Variants in DMD observed in about 807,000 individuals in gnomAD.
DMD encodes the protein mutant dystrophin.
DMD carries 63 observed loss-of-function variants against 330.1 expected under a neutral mutation model. That is an observed-to-expected ratio of 0.19 (90% CI 0.16 to 0.24). DMD has a LOEUF of 0.24. DMD is among the 10% of genes least tolerant of loss of function. The pLI is 1.00. For missense variants in DMD, 3,344 were observed against 2,684.1 expected (o/e 1.25, Z -5.43); for synonymous variants, 1,223 against 959.8 (o/e 1.27, Z -5.07).
At chrX:32,999,816 A>AAC (rs1569548100) in intron 2 of DMD, among the ~76,000 whole-genome samples, 2 of 110,566 alleles carry the variant, frequency 1.8e-5, no homozygotes, top group East Asian at 5.9e-4. Flanking sequence ...CAAAAAAAAA[A>AAC]CCGAAAAAAC....
chrX:31,772,765 T>C (rs1283381299), intron 51 of DMD, among the ~76,000 whole-genome samples: 1 of 111,916 alleles, frequency 8.9e-6, no homozygotes, highest in East Asian at 2.8e-4. Flanking sequence ...TTCTGAAAAA[T>C]GTGGCTATAA....
chrX:32,763,255 T>C (rs949279011), intron 7 of DMD, among the ~76,000 whole-genome samples: 3 of 112,495 alleles, frequency 2.7e-5, no homozygotes, highest in African/African-American at 9.7e-5. Context: ...ACAATCGTTA[T>C]ACTTTTAAAT....
At chrX:32,927,403 T>C (rs776764251) in intron 2 of DMD, among the ~76,000 whole-genome samples, 17 of 100,621 alleles carry the variant, frequency 1.7e-4, no homozygotes, top group Admixed American at 1.3e-3. Context: ...AATTTCACTC[T>C]TGTTGCCCAG....
At chrX:33,091,603 T>C (rs1236110174) in intron 1 of DMD, among the ~76,000 whole-genome samples, 2 of 112,044 alleles carry the variant, frequency 1.8e-5, no homozygotes, top group Non-Finnish European at 3.8e-5. Context: ...TAATGTCTTG[T>C]AAAAGTTTAG....
At chrX:32,183,571 A>ATATATATATATATATATAT (rs2096934749) in intron 44 of DMD, among the ~76,000 whole-genome samples, 1 of 95,128 alleles carries the variant, frequency 1.1e-5, no homozygotes, top group African/African-American at 3.7e-5. Flanking sequence ...TATATATATA[A>ATATATATATATATATATAT]ATATATATAT....
chrX:31,343,205 T>C (rs1263116416), intron 61 of DMD, among the ~76,000 whole-genome samples: 1 of 111,890 alleles, frequency 8.9e-6, no homozygotes, highest in African/African-American at 3.2e-5. Context: ...TATACATATA[T>C]AACTATAAAT....
intron 1 of DMD, among the ~76,000 whole-genome samples, chrX:33,132,230 T>G (rs1466568681): frequency 8.9e-6 from 1 of 111,951 alleles, no homozygotes; most frequent in Non-Finnish European, 1.9e-5. Flanking sequence ...GGGTCAAAAT[T>G]TTACTTCCTT....
chrX:31,581,997 C>T (rs925525533), intron 55 of DMD, among the ~76,000 whole-genome samples: 39 of 111,771 alleles, frequency 3.5e-4, no homozygotes, highest in Admixed American at 3.2e-3. Context: ...AATTCCTTTT[C>T]TGTAAATGTG....
chrX:31,168,448 C>G (rs761977072), intron 74 of DMD, among the ~76,000 whole-genome samples: 2 of 110,891 alleles, frequency 1.8e-5, no homozygotes, highest in Non-Finnish European at 1.9e-5. Context: ...GAGCTATGGC[C>G]ATAGGTAAAA....
At chrX:31,755,136 TA>T (rs201324546) in intron 51 of DMD, among the ~76,000 whole-genome samples, 2,513 of 98,892 alleles carry the variant, frequency 0.025, 79 homozygotes, top group African/African-American at 0.086. Flanking sequence ...GCATTTGAAC[TA>T]TTTTTTATCA....
At chrX:32,477,466 G>C (rs1385784674) in intron 21 of DMD, among the ~76,000 whole-genome samples, 1 of 110,524 alleles carries the variant, frequency 9.0e-6, no homozygotes, top group Non-Finnish European at 1.9e-5. Context: ...TCTTAAAAGA[G>C]GGAGGGGCTA....
At chrX:32,485,958 G>T (rs1261926076) in intron 20 of DMD, among the ~76,000 whole-genome samples, 1 of 109,038 alleles carries the variant, frequency 9.2e-6, no homozygotes, top group East Asian at 2.9e-4. Flanking sequence ...GGCCAGGCTG[G>T]TCTCAAACTG....
At chrX:31,344,928 G>A (rs1409333364) in intron 61 of DMD, among the ~76,000 whole-genome samples, 1 of 111,306 alleles carries the variant, frequency 9.0e-6, no homozygotes, top group African/African-American at 3.3e-5. Context: ...TTCTGATAGT[G>A]ATTATCTCTG....
At chrX:31,521,900 G>T (rs2072797786) in intron 55 of DMD, among the ~76,000 whole-genome samples, 1 of 111,208 alleles carries the variant, frequency 9.0e-6, no homozygotes, top group Middle Eastern at 4.6e-3. Flanking sequence ...TCCTTTTGTG[G>T]GCTGGCAGAA....
chrX:31,362,179 T>C (rs928976499), intron 60 of DMD, among the ~76,000 whole-genome samples: 1 of 112,449 alleles, frequency 8.9e-6, no homozygotes, highest in Non-Finnish European at 1.9e-5. Flanking sequence ...AACTGTGAAT[T>C]TTGCATGAGT....
intron 2 of DMD, among the ~76,000 whole-genome samples, chrX:32,981,311 T>C (rs958746682): frequency 8.9e-6 from 1 of 112,110 alleles, no homozygotes; most frequent in Middle Eastern, 4.2e-3. Context: ...CTTTTAACTC[T>C]AGTACCAAGA....
intron 27 of DMD, among the ~76,000 whole-genome samples, chrX:32,448,155 G>A (rs1193240844): frequency 9.0e-6 from 1 of 110,830 alleles, no homozygotes; most frequent in Non-Finnish European, 1.9e-5. Context: ...CCTAATAATA[G>A]TAATGAGAAT....
At chrX:32,138,287 G>A (rs1437267988) in intron 44 of DMD, among the ~76,000 whole-genome samples, 1 of 108,756 alleles carries the variant, frequency 9.2e-6, no homozygotes, top group East Asian at 2.9e-4. Context: ...AATCTCTATA[G>A]CACCATATTT....
intron 1 of DMD, among the ~76,000 whole-genome samples, chrX:33,269,257 A>G (rs2053109284): frequency 9.0e-6 from 1 of 111,184 alleles, no homozygotes; most frequent in Non-Finnish European, 1.9e-5. Flanking sequence ...CTATGCAGCC[A>G]TAAAAAAGAA....
Sources: gnomAD v4.1 joint callset for allele counts (sites outside exome capture counted in the v4.1 genomes callset) on GRCh38, gnomAD v4.1.1 for gene constraint, MANE v1.5 for transcripts, NCBI Gene and HGNC (gene_info 2026-07-23, HGNC 2026-07-21) for gene names.